TRPM3: variants seen among roughly 807,000 people sequenced by gnomAD.
The protein encoded by TRPM3 is transient receptor potential cation channel subfamily M member 3.
A neutral mutation model predicts 181.2 loss-of-function variants in TRPM3; 77 were observed. That is an observed-to-expected ratio of 0.42 (90% CI 0.35 to 0.51). The LOEUF (loss-of-function observed/expected upper bound fraction) is 0.51. Ranked by LOEUF, TRPM3 falls within the 20% of genes least tolerant of loss-of-function variation. The pLI, the probability that TRPM3 is intolerant of heterozygous loss-of-function variation, is 0.01. For missense variants in TRPM3, 1,759 were observed against 2,196.7 expected (o/e 0.80, Z 3.98); for synonymous variants, 745 against 796.4 (o/e 0.94, Z 1.09).
intron 1 of TRPM3, among the ~76,000 whole-genome samples, chr9:71,363,486 C>T (rs905104244): frequency 2.6e-5 from 4 of 152,180 alleles, no homozygotes; most frequent in African/African-American, 9.7e-5. Context: ...CACCGTACTG[C>T]CCCATCTGGT....
At chr9:70,826,988 C>T (rs936295747) in intron 6 of TRPM3, 1 of 152,188 alleles carries the variant, frequency 6.6e-6, no homozygotes, top group Admixed American at 6.5e-5. Context: ...ATGATGCTAC[C>T]TTTCACAGTT....
intron 1 of TRPM3, among the ~76,000 whole-genome samples, chr9:70,952,034 T>G (rs2133706576): frequency 6.6e-6 from 1 of 152,246 alleles, no homozygotes; most frequent in East Asian, 1.9e-4. Flanking sequence ...TGATTTCACC[T>G]CCAGAATGCA....
chr9:70,789,180 T>C (rs1391084282), intron 6 of TRPM3, among the ~76,000 whole-genome samples: 1 of 152,190 alleles, frequency 6.6e-6, no homozygotes, highest in Non-Finnish European at 1.5e-5. Flanking sequence ...AGGATAAGAC[T>C]TCATAGAAAA....
intron 1 of TRPM3, among the ~76,000 whole-genome samples, chr9:71,044,153 A>T (rs950127821): frequency 6.6e-6 from 1 of 152,222 alleles, no homozygotes; most frequent in Non-Finnish European, 1.5e-5. Flanking sequence ...AAGTTTAGTC[A>T]CAAGACTTTT....
chr9:71,426,031 T>C (rs2093856882), intron 1 of TRPM3, among the ~76,000 whole-genome samples: 1 of 152,112 alleles, frequency 6.6e-6, no homozygotes, highest in Admixed American at 6.6e-5. Flanking sequence ...CCCTCTAATA[T>C]TATACCCCTT....
At chr9:71,209,076 G>A (rs2079309046) in intron 1 of TRPM3, among the ~76,000 whole-genome samples, 1 of 152,070 alleles carries the variant, frequency 6.6e-6, no homozygotes, top group Non-Finnish European at 1.5e-5. Context: ...AGCTAGAAAT[G>A]GAATTCTGGC....
rs375575931 is a variant in TRPM3 at position 71,039,378 on chromosome 9, C to T, written c.177+81800G>A. Among the ~76,000 whole-genome samples, 16 of 152,244 alleles carry T rather than the reference C, an allele frequency of 1.1e-4. No individual in the cohort carries two copies. In the South Asian group the frequency reaches 2.1e-3, roughly 20 times the overall value. On this transcript the variant is annotated intron_variant, in intron 1 of 25. Coordinates refer to ENST00000677713, the MANE Select transcript of TRPM3 (RefSeq NM_001366145.2). ...ATTAAGTACTTAAATATCCAATAAG[C>T]AGGTTAAAAGGTCTATGACATTTAA... is the stretch of plus-strand genomic sequence containing the variant.
intron 6 of TRPM3, among the ~76,000 whole-genome samples, chr9:70,786,415 G>T (rs1380075547): frequency 9.2e-5 from 14 of 151,584 alleles, no homozygotes; most frequent in Non-Finnish European, 1.9e-4. Context: ...ATCCCGGGAG[G>T]CAGAGGCTGT....
At chr9:70,831,892 C>T (rs528678532) in intron 5 of TRPM3, among the ~76,000 whole-genome samples, 1 of 147,076 alleles carries the variant, frequency 6.8e-6, no homozygotes, top group Non-Finnish European at 1.5e-5. Context: ...GAGGGAATGA[C>T]TACCCCATTC....
At chr9:71,428,088 G>A (rs2093896950) in intron 1 of TRPM3, among the ~76,000 whole-genome samples, 1 of 151,732 alleles carries the variant, frequency 6.6e-6, no homozygotes, top group Non-Finnish European at 1.5e-5. Context: ...TGTTGTTGTT[G>A]TTTGTTTTTT....
intron 10 of TRPM3, among the ~76,000 whole-genome samples, chr9:70,640,262 T>C (rs969958916): frequency 6.6e-6 from 1 of 152,210 alleles, no homozygotes; most frequent in African/African-American, 2.4e-5. Flanking sequence ...TACAGATTTG[T>C]CTTATATTTT....
At chr9:71,306,124 G>A (rs530864310) in intron 1 of TRPM3, among the ~76,000 whole-genome samples, 14 of 152,254 alleles carry the variant, frequency 9.2e-5, no homozygotes, top group African/African-American at 3.4e-4. Flanking sequence ...AAGCAGAAAT[G>A]TAGAGAGCAC....
chr9:71,271,135 A>G (rs971631509), intron 1 of TRPM3, among the ~76,000 whole-genome samples: 1 of 152,228 alleles, frequency 6.6e-6, no homozygotes, highest in African/African-American at 2.4e-5. Flanking sequence ...TTGCACAGCA[A>G]TAATAACCAT....
chr9:70,561,710 T>C (rs1564333508), intron 22 of TRPM3, among the ~76,000 whole-genome samples: 1 of 152,176 alleles, frequency 6.6e-6, no homozygotes, highest in Non-Finnish European at 1.5e-5. Flanking sequence ...CCACTGGAAA[T>C]TGGTGGGAGG....
At chr9:70,926,632 C>T (rs765891861) in intron 1 of TRPM3, among the ~76,000 whole-genome samples, 3 of 152,114 alleles carry the variant, frequency 2.0e-5, no homozygotes, top group Non-Finnish European at 2.9e-5. Flanking sequence ...TCTTGGCTAT[C>T]GATTATAGAA....
chr9:70,700,246 G>C (rs2072024464), intron 8 of TRPM3, among the ~76,000 whole-genome samples: 1 of 152,230 alleles, frequency 6.6e-6, no homozygotes, highest in Non-Finnish European at 1.5e-5. Flanking sequence ...GCCTCCCAAA[G>C]TGCGGGGATT....
At chr9:71,232,103 G>T (rs2081087606) in intron 1 of TRPM3, among the ~76,000 whole-genome samples, 1 of 152,106 alleles carries the variant, frequency 6.6e-6, no homozygotes, top group South Asian at 2.1e-4. Flanking sequence ...AAAAATGATG[G>T]CTAGCTTTGG....
chr9:71,021,780 A>C (rs901541720), intron 1 of TRPM3, among the ~76,000 whole-genome samples: 77 of 152,332 alleles, frequency 5.1e-4, no homozygotes, highest in African/African-American at 1.8e-3. Flanking sequence ...TCAGTGAACA[A>C]ACTGGAAATC....
intron 8 of TRPM3, among the ~76,000 whole-genome samples, chr9:70,695,009 T>A (rs2134534382): frequency 6.6e-6 from 1 of 152,302 alleles, no homozygotes; most frequent in Admixed American, 6.5e-5. Context: ...CCTAGGCTGA[T>A]AATATCCCAT....
Sources: gnomAD v4.1 joint callset for allele counts (sites outside exome capture counted in the v4.1 genomes callset) on GRCh38, gnomAD v4.1.1 for gene constraint, MANE v1.5 for transcripts, NCBI Gene and HGNC (gene_info 2026-07-23, HGNC 2026-07-21) for gene names.